Variants in ZNF875 observed in about 807,000 individuals in gnomAD.
The protein encoded by ZNF875 is zinc finger protein 875.
A neutral mutation model predicts 11.2 loss-of-function variants in ZNF875; 14 were observed. The observed-to-expected ratio is 1.26, with a 90% confidence interval of 0.83 to 1.96. The LOEUF is 1.96. Ranked by LOEUF, ZNF875 falls within the 30% of genes most tolerant of loss-of-function variation. The pLI, the probability that ZNF875 is intolerant of heterozygous loss-of-function variation, is 0.00. For synonymous variants in ZNF875, 301 were observed against 281.1 expected, an observed-to-expected ratio of 1.07 and a Z score of -0.71; for missense variants, 752 against 760.4, an observed-to-expected ratio of 0.99 and a Z score of 0.13.
chr19:37,357,710 A>T (rs1283079433), intron 4 of ZNF875, among the ~76,000 whole-genome samples: 4 of 147,554 alleles, frequency 2.7e-5, no homozygotes, highest in African/African-American at 7.5e-5. Context: ...ACTTTACTGA[A>T]TTTTTTTTTT....
At chr19:37,344,878 AAAAGC>A (rs1489417491) in intron 2 of ZNF875, 8 of 769,344 alleles carry the variant, frequency 1.0e-5, no homozygotes, top group Non-Finnish European at 1.6e-5. Context: ...AAGGGGTTGT[AAAAGC>A]AAATCACAAC....
At chr19:37,344,025 G>T (rs2036289999) in intron 2 of ZNF875, among the ~76,000 whole-genome samples, 1 of 152,120 alleles carries the variant, frequency 6.6e-6, no homozygotes, top group African/African-American at 2.4e-5. Flanking sequence ...TCTCTACAGT[G>T]TCAGCCTCAT....
At chr19:37,347,657 G>C in intron 3 of ZNF875, 120 bp from the exon 4 acceptor site, 1 of 673,530 alleles carries the variant, frequency 1.5e-6, no homozygotes, top group Admixed American at 2.5e-5. Flanking sequence ...ACTTCAGAGA[G>C]AGAACTATTC....
At position 37,350,699 on chromosome 19, in the gene ZNF875, C is replaced by G. The variant is rs375641614; in HGVS notation, c.256+2827C>G. Among the ~76,000 whole-genome samples the G allele has an allele frequency of 1.6e-4, 25 of 151,680 alleles. No individual in the cohort carries two copies. In the East Asian group the frequency reaches 4.3e-3, roughly 26 times the overall value. ...CCATCACCACAATAAAGATGTAGAA[C>G]TCTTCTATCACTACAAAGAAAACTC... On this transcript the variant is annotated intron_variant, in intron 4 of 4. Transcript: ENST00000392153.
chr19:37,330,107 TAAAG>T (rs1219917067), upstream of ZNF875, among the ~76,000 whole-genome samples: 3 of 152,172 alleles, frequency 2.0e-5, no homozygotes, highest in African/African-American at 4.8e-5. Flanking sequence ...GTTTGAAAAA[TAAAG>T]AATATTTTTT....
At chr19:37,331,139 A>G (rs2033307953), upstream of ZNF875, among the ~76,000 whole-genome samples, 1 of 135,754 alleles carries the variant, frequency 7.4e-6, no homozygotes, top group South Asian at 2.7e-4. Flanking sequence ...GTGAGCCGAG[A>G]TGGCACCACT....
chr19:37,335,019 T>C (rs1215950872), intron 1 of ZNF875, 150 bp from the exon 2 acceptor site: 1 of 557,836 alleles, frequency 1.8e-6, no homozygotes, highest in Non-Finnish European at 3.3e-6. Flanking sequence ...GGCTGGGTCA[T>C]CCTGGCCCCC....
rs2040292502 is a variant in ZNF875 at position 37,363,335 on chromosome 19, A to G, written c.1483A>G (p.Thr495Ala). Residue 495 changes from threonine to alanine, a missense_variant, in exon 5 of 5, where the codon ACG becomes GCG. Coordinates refer to ENST00000392153, the MANE Select transcript of ZNF875 (RefSeq NM_001353803.2). ...RGFTRKSTLS[T>A]HQRTHSGEKP... Reference sequence around the variant, plus strand: ...CTTTACCCGGAAATCAACCCTGAGCACGCACCAGAGGACACACTCAGGGGA... The same window carrying G: ...CTTTACCCGGAAATCAACCCTGAGCGCGCACCAGAGGACACACTCAGGGGA... 5 of 1,611,090 alleles carry G rather than the reference A, an allele frequency of 3.1e-6. No individual in the cohort carries two copies. The highest frequency in any genetic ancestry group is 4.2e-6 in the Non-Finnish European group (5 of 1,177,974).
chr19:37,357,910 A>T (rs184395583), intron 4 of ZNF875: 55 of 398,338 alleles, frequency 1.4e-4, no homozygotes, highest in African/African-American at 9.2e-4. Context: ...TCCAGTACTA[A>T]GTTGAATACG....
chr19:37,335,282 T>G (rs2034115373), intron 2 of ZNF875, 25 bp downstream of exon 2: 1 of 691,350 alleles, frequency 1.4e-6, no homozygotes, highest in South Asian at 1.5e-5. Context: ...TAATTCTATC[T>G]TGGCTGTCAA....
chr19:37,362,206 G>T lies in ZNF875; in HGVS notation c.354G>T (p.Gln118His). The T allele has an allele frequency of 6.2e-7, 1 of 1,614,088 alleles. No individual in the cohort carries two copies. The highest frequency in any genetic ancestry group is 8.5e-7 in the Non-Finnish European group (1 of 1,180,006). ...ATGTGTGGCTGAGTCATCTCTCTCA[G>T]CTGTTTTCAAGTTTATGGGCAGGAA... The part of the protein sequence containing the change: ...SQHVWLSHLS[Q>H]LFSSLWAGNP... The change falls in exon 5 of 5, where the codon CAG becomes CAT. Residue 118 changes from glutamine (Q) to histidine (H), a missense_variant. Physicochemically the swap from Gln to His is conservative, Grantham distance 24. Transcript: ENST00000392153.
upstream of ZNF875, chr19:37,315,081 T>C (rs2030126967): frequency 6.8e-6 from 1 of 147,204 alleles, no homozygotes; most frequent in African/African-American, 2.7e-5. Flanking sequence ...ATCTACTTTC[T>C]GTTTCTATGT....
At position 37,361,856 on chromosome 19, in the gene ZNF875, G is replaced by C. The variant is rs558695815; in HGVS notation, c.257-253G>C. Reference sequence around the variant, plus strand: ...CGCTTGAACCCTGGAGGCGGAGGTTGCAGTGAGCTGAGATCGCACCACTGC... The same window carrying C: ...CGCTTGAACCCTGGAGGCGGAGGTTCCAGTGAGCTGAGATCGCACCACTGC... On this transcript the variant is annotated intron_variant, in intron 4 of 4. Coordinates refer to ENST00000392153, the MANE Select transcript of ZNF875 (RefSeq NM_001353803.2). The C allele has an allele frequency of 3.8e-5, 15 of 398,158 alleles. No individual in the cohort carries two copies. In the Admixed American group the frequency reaches 6.5e-4, roughly 17 times the overall value. 24.7% of individuals were successfully genotyped at this position (398,158 alleles called of 1,614,324 possible). A position where few individuals can be genotyped will look rare whatever the true frequency, so the allele number is the denominator to read the frequency against.
intron 1 of ZNF875, among the ~76,000 whole-genome samples, chr19:37,319,344 C>CATATATATATATATATATATAT (rs146774743): frequency 0.015 from 1,708 of 111,468 alleles, 54 homozygotes; most frequent in African/African-American, 0.031. Flanking sequence ...CTGCAGCCGG[C>CATATATATATATATATATATAT]ATATATATAT....
chr19:37,357,858 C>A, intron 4 of ZNF875: 1 of 397,184 alleles, frequency 2.5e-6, no homozygotes, highest in Admixed American at 4.4e-5. Flanking sequence ...TATTTGGATG[C>A]CTTTTATTTC....
At chr19:37,330,235 A>G (rs1158126106), upstream of ZNF875, among the ~76,000 whole-genome samples, 3 of 152,106 alleles carry the variant, frequency 2.0e-5, no homozygotes, top group African/African-American at 7.2e-5. Flanking sequence ...TATCCTATCC[A>G]TTACCTCAAA....
upstream of ZNF875, among the ~76,000 whole-genome samples, chr19:37,333,585 T>TG: frequency 6.6e-6 from 1 of 152,282 alleles, no homozygotes; most frequent in Admixed American, 6.5e-5. Context: ...TGATAGGTCT[T>TG]GGAGGTGCCT....
intron 4 of ZNF875, among the ~76,000 whole-genome samples, chr19:37,325,487 A>G (rs1244685032): frequency 2.0e-5 from 3 of 152,218 alleles, no homozygotes; most frequent in Admixed American, 6.5e-5. Flanking sequence ...CTAAAATGTT[A>G]GCATTATCCA....
At chr19:37,342,120 T>C (rs931979792) in intron 2 of ZNF875, among the ~76,000 whole-genome samples, 1 of 152,220 alleles carries the variant, frequency 6.6e-6, no homozygotes, top group Non-Finnish European at 1.5e-5. Context: ...CTCAGAAGCC[T>C]TTTTGTCCAG....
Sources: gnomAD v4.1 joint callset for allele counts (sites outside exome capture counted in the v4.1 genomes callset) on GRCh38, gnomAD v4.1.1 for gene constraint, MANE v1.5 for transcripts, NCBI Gene and HGNC (gene_info 2026-07-23, HGNC 2026-07-21) for gene names.